JMJD1C: variants seen among roughly 807,000 people sequenced by gnomAD.
The protein encoded by JMJD1C is jumonji domain-containing protein 1C.
A neutral mutation model predicts 245.3 loss-of-function variants in JMJD1C; 31 were observed. That is an observed-to-expected ratio of 0.13 (90% CI 0.09 to 0.17). The LOEUF is 0.17. JMJD1C is among the 10% of genes least tolerant of loss of function. The pLI is 1.00. For synonymous variants in JMJD1C, 1,057 were observed against 1,017.4 expected, an observed-to-expected ratio of 1.04 and a Z score of -0.74; for missense variants, 2,691 against 3,000.2, an observed-to-expected ratio of 0.90 and a Z score of 2.41.
At position 63,465,739 on chromosome 10, in the gene JMJD1C, A is replaced by T. The variant is rs1033995700; in HGVS notation, c.-77T>A. On this transcript the variant is annotated 5_prime_UTR_variant, in exon 1 of 26. An upstream start codon of the reference 5' UTR is lost. Coordinates refer to ENST00000399262, the MANE Select transcript of JMJD1C (RefSeq NM_032776.3). ...GAAACCTCACTCCTACCGGCCGCTC[A>T]TGCTGAGGAGAGCGGACCGGGACAC... The T allele has an allele frequency of 2.6e-6, 4 of 1,535,574 alleles. No individual in the cohort carries two copies. In the Admixed American group the frequency reaches 5.2e-5, roughly 20 times the overall value.
chr10:63,281,573 C>A (rs1053519161), intron 2 of JMJD1C, among the ~76,000 whole-genome samples: 1 of 137,796 alleles, frequency 7.3e-6, no homozygotes, highest in Non-Finnish European at 1.5e-5. Flanking sequence ...CGGGTTCAAG[C>A]GGTTATCCTG....
At chr10:63,367,049 A>G (rs145044798) in intron 2 of JMJD1C, among the ~76,000 whole-genome samples, 1 of 152,310 alleles carries the variant, frequency 6.6e-6, no homozygotes, top group East Asian at 1.9e-4. Flanking sequence ...GAGGAGATTC[A>G]AGAGACTAGT....
intron 1 of JMJD1C, among the ~76,000 whole-genome samples, chr10:63,393,811 G>A (rs936439117): frequency 1.3e-5 from 2 of 152,106 alleles, no homozygotes; most frequent in African/African-American, 4.8e-5. Context: ...AAAGGAAATA[G>A]AATTGCTAAA....
chr10:63,231,893 A>G (rs773185426), intron 3 of JMJD1C, among the ~76,000 whole-genome samples: 5 of 152,132 alleles, frequency 3.3e-5, no homozygotes, highest in Non-Finnish European at 5.9e-5. Flanking sequence ...GCTGGAGTGC[A>G]ATGGTGTGAT....
At chr10:63,223,408 A>C (rs959093656) in intron 3 of JMJD1C, among the ~76,000 whole-genome samples, 1 of 151,940 alleles carries the variant, frequency 6.6e-6, no homozygotes, top group African/African-American at 2.4e-5. Flanking sequence ...TTGTATTTTT[A>C]GTAGAGACGG....
At chr10:63,202,669 C>T (rs1291969428) in intron 10 of JMJD1C, 1 of 985,296 alleles carries the variant, frequency 1.0e-6, no homozygotes, top group South Asian at 4.7e-5. Context: ...TAGAGAAACA[C>T]CCATGTGTAT....
At chr10:63,358,314 TTC>T (rs1945036754) in intron 2 of JMJD1C, among the ~76,000 whole-genome samples, 1 of 152,080 alleles carries the variant, frequency 6.6e-6, no homozygotes, top group African/African-American at 2.4e-5. Context: ...AATCTAAACA[TTC>T]TGTTAAATTC....
At chr10:63,292,077 A>T (rs1858808027) in intron 2 of JMJD1C, among the ~76,000 whole-genome samples, 1 of 149,340 alleles carries the variant, frequency 6.7e-6, no homozygotes, top group South Asian at 2.1e-4. Flanking sequence ...TAGCCTCCTG[A>T]ATAGCTGGGA....
At chr10:63,337,095 C>A (rs1261006215) in intron 2 of JMJD1C, among the ~76,000 whole-genome samples, 1 of 151,872 alleles carries the variant, frequency 6.6e-6, no homozygotes, top group Non-Finnish European at 1.5e-5. Context: ...TCCACCTTGG[C>A]CTCCCAAAGT....
chr10:63,485,276 T>C (rs1286311706), intron 1 of JMJD1C, among the ~76,000 whole-genome samples: 2 of 152,122 alleles, frequency 1.3e-5, no homozygotes, highest in East Asian at 1.9e-4. Flanking sequence ...GATGAGAGTA[T>C]CTATGGCTCT....
intron 3 of JMJD1C, among the ~76,000 whole-genome samples, chr10:63,253,193 T>C (rs1383142448): frequency 6.6e-6 from 1 of 152,186 alleles, no homozygotes; most frequent in Non-Finnish European, 1.5e-5. Flanking sequence ...AACAGTGTGA[T>C]ACTTGCGTAA....
intron 18 of JMJD1C, among the ~76,000 whole-genome samples, chr10:63,186,965 G>C (rs1844203628): frequency 6.6e-6 from 1 of 152,128 alleles, no homozygotes; most frequent in Non-Finnish European, 1.5e-5. Context: ...TGAGCTGGGA[G>C]GATTGCTTGA....
chr10:63,245,664 G>A (rs978452588), intron 3 of JMJD1C, among the ~76,000 whole-genome samples: 1 of 151,926 alleles, frequency 6.6e-6, no homozygotes, highest in Non-Finnish European at 1.5e-5. Context: ...TGTATTTTTA[G>A]TAGAGAGGAG....
intron 2 of JMJD1C, among the ~76,000 whole-genome samples, chr10:63,279,114 T>C (rs1857129883): frequency 1.3e-5 from 2 of 149,070 alleles, no homozygotes; most frequent in African/African-American, 4.9e-5. Flanking sequence ...CTCCGGTGTG[T>C]TGGCGGGCGC....
At chr10:63,263,601 C>G (rs991347970) in intron 3 of JMJD1C, among the ~76,000 whole-genome samples, 1 of 152,140 alleles carries the variant, frequency 6.6e-6, no homozygotes, top group African/African-American at 2.4e-5. Context: ...AAAAAGAAAT[C>G]TATAATATAT....
At chr10:63,485,871 C>T (rs141105879) in intron 1 of JMJD1C, among the ~76,000 whole-genome samples, 101 of 152,180 alleles carry the variant, frequency 6.6e-4, no homozygotes, top group African/African-American at 2.0e-3. Flanking sequence ...GTGAACAGGA[C>T]ATATATGGCC....
chr10:63,461,704 C>T (rs1342376496), intron 1 of JMJD1C, among the ~76,000 whole-genome samples: 1 of 151,984 alleles, frequency 6.6e-6, no homozygotes, highest in African/African-American at 2.4e-5. Context: ...GTCCTTTTCT[C>T]TATTGAAAAA....
intron 1 of JMJD1C, among the ~76,000 whole-genome samples, chr10:63,513,784 G>A (rs573953884): frequency 6.6e-6 from 1 of 152,188 alleles, no homozygotes; most frequent in South Asian, 2.1e-4. Context: ...GTGTTGGCGG[G>A]AGCCTGTAGT....
intron 1 of JMJD1C, among the ~76,000 whole-genome samples, chr10:63,440,210 C>CT (rs918320382): frequency 3.3e-5 from 5 of 151,986 alleles, no homozygotes; most frequent in Admixed American, 6.6e-5. Flanking sequence ...TGGCAGGCGA[C>CT]TTTAATCTCA....
Sources: gnomAD v4.1 joint callset for allele counts (sites outside exome capture counted in the v4.1 genomes callset) on GRCh38, gnomAD v4.1.1 for gene constraint, MANE v1.5 for transcripts, NCBI Gene and HGNC (gene_info 2026-07-23, HGNC 2026-07-21) for gene names.